The following CDH4 variants were observed in gnomAD, a reference collection of about 807,000 sequenced individuals.
The protein encoded by CDH4 is cadherin-4.
CDH4 carries 33 observed loss-of-function variants against 86.0 expected under a neutral mutation model. That is an observed-to-expected ratio of 0.38 (90% confidence interval 0.29 to 0.51). The LOEUF (loss-of-function observed/expected upper bound fraction) is 0.51, where lower values mean the gene tolerates loss of function less well. CDH4 is among the 20% of genes least tolerant of loss of function. The pLI is 0.86. For missense variants in CDH4, 1,114 were observed against 1,307.4 expected, an observed-to-expected ratio of 0.85 and a Z score of 2.28; for synonymous variants, 555 against 549.4, an observed-to-expected ratio of 1.01 and a Z score of -0.14.
intron 2 of CDH4, among the ~76,000 whole-genome samples, chr20:61,565,229 G>GGTA (rs2086269830): frequency 1.7e-5 from 1 of 58,524 alleles, no homozygotes; most frequent in Non-Finnish European, 3.8e-5. Context: ...GGTAGGTGGT[G>GGTA]GTGGTGGTGG....
intron 2 of CDH4, among the ~76,000 whole-genome samples, chr20:61,330,573 A>G (rs4812306): frequency 0.6 from 90,502 of 152,080 alleles, 26,971 homozygotes; most frequent in Middle Eastern, 0.76. Context: ...CCTTCAAGAA[A>G]AGTATCCGCA....
At chr20:61,402,351 T>C (rs2085054010) in intron 2 of CDH4, among the ~76,000 whole-genome samples, 1 of 151,964 alleles carries the variant, frequency 6.6e-6, no homozygotes, top group South Asian at 2.1e-4. Flanking sequence ...GTTTATGAAA[T>C]ATTGACAAGA....
intron 3 of CDH4, among the ~76,000 whole-genome samples, chr20:61,766,467 C>G (rs1344562445): frequency 6.6e-6 from 1 of 152,140 alleles, no homozygotes; most frequent in Non-Finnish European, 1.5e-5. Context: ...CCAGCTCTGC[C>G]CCTTCTCAGG....
chr20:61,488,324 A>G (rs1279579641), intron 2 of CDH4, among the ~76,000 whole-genome samples: 1 of 152,186 alleles, frequency 6.6e-6, no homozygotes, highest in Non-Finnish European at 1.5e-5. Context: ...AACGGAACAG[A>G]ACCGTTTTTA....
At chr20:61,660,099 G>A (rs1243111249) in intron 2 of CDH4, among the ~76,000 whole-genome samples, 1 of 152,206 alleles carries the variant, frequency 6.6e-6, no homozygotes, top group Non-Finnish European at 1.5e-5. Context: ...CGGAGCTAAG[G>A]ATGGAAACAC....
At chr20:61,794,396 C>G (rs937299764) in intron 4 of CDH4, among the ~76,000 whole-genome samples, 1 of 152,200 alleles carries the variant, frequency 6.6e-6, no homozygotes, top group Non-Finnish European at 1.5e-5. Context: ...GTCGTTCCCC[C>G]ACTTCCGCCA....
intron 2 of CDH4, among the ~76,000 whole-genome samples, chr20:61,566,051 G>A (rs917000538): frequency 6.6e-6 from 1 of 152,228 alleles, no homozygotes; most frequent in Non-Finnish European, 1.5e-5. Flanking sequence ...CAGTGCCACA[G>A]CCGGTGGGTC....
chr20:61,408,901 C>T (rs548948019), intron 2 of CDH4, among the ~76,000 whole-genome samples: 4 of 152,322 alleles, frequency 2.6e-5, no homozygotes, highest in South Asian at 4.1e-4. Context: ...CACGGGGTCA[C>T]GGGCCCACTG....
At chr20:61,884,172 C>T (rs1407318833) in intron 7 of CDH4, among the ~76,000 whole-genome samples, 4 of 152,086 alleles carry the variant, frequency 2.6e-5, no homozygotes, top group Non-Finnish European at 4.4e-5. Context: ...GCTTGTGGGG[C>T]GCAGTGCAGA....
At chr20:61,618,605 A>G (rs2086744775) in intron 2 of CDH4, among the ~76,000 whole-genome samples, 1 of 152,114 alleles carries the variant, frequency 6.6e-6, no homozygotes. Flanking sequence ...CTGGAGGTGC[A>G]TCCAGCACCC....
At chr20:61,793,965 C>A (rs1328991379) in intron 4 of CDH4, among the ~76,000 whole-genome samples, 1 of 138,976 alleles carries the variant, frequency 7.2e-6, no homozygotes. Flanking sequence ...GGTGAAACCT[C>A]GTCTCTACTA....
At chr20:61,840,696 T>C (rs1403615419) in intron 4 of CDH4, among the ~76,000 whole-genome samples, 2 of 152,236 alleles carry the variant, frequency 1.3e-5, no homozygotes, top group African/African-American at 4.8e-5. Context: ...TTCTGCGGTG[T>C]TTGTCTCATT....
intron 7 of CDH4, among the ~76,000 whole-genome samples, chr20:61,891,902 C>A (rs560257642): frequency 6.6e-6 from 1 of 151,270 alleles, no homozygotes; most frequent in South Asian, 2.1e-4. Context: ...TGTGGCCTTG[C>A]TCTCAGGCCT....
At chr20:61,389,365 A>C (rs1462051611) in intron 2 of CDH4, among the ~76,000 whole-genome samples, 1 of 152,184 alleles carries the variant, frequency 6.6e-6, no homozygotes, top group Non-Finnish European at 1.5e-5. Context: ...ACAGCTCCTA[A>C]ACATCTGTTT....
At chr20:61,711,456 C>T (rs994761321) in intron 2 of CDH4, among the ~76,000 whole-genome samples, 1 of 152,226 alleles carries the variant, frequency 6.6e-6, no homozygotes, top group African/African-American at 2.4e-5. Flanking sequence ...AGGGCAGAAT[C>T]CTGCCTTTCC....
At chr20:61,543,611 G>C (rs1191093863) in intron 2 of CDH4, among the ~76,000 whole-genome samples, 1 of 152,222 alleles carries the variant, frequency 6.6e-6, no homozygotes, top group African/African-American at 2.4e-5. Flanking sequence ...CAACAAAGCT[G>C]ATGGCGCCTT....
chr20:61,854,565 C>G (rs574570641), intron 6 of CDH4, among the ~76,000 whole-genome samples: 9 of 144,898 alleles, frequency 6.2e-5, no homozygotes, highest in African/African-American at 2.1e-4. Flanking sequence ...ACCCCCAGGG[C>G]TGCAGTGTGA....
At chr20:61,849,363 T>C (rs1053158416) in intron 5 of CDH4, among the ~76,000 whole-genome samples, 35 of 152,342 alleles carry the variant, frequency 2.3e-4, no homozygotes, top group African/African-American at 8.4e-4. Context: ...GTTAGTTCTC[T>C]GCACTGTGTA....
At chr20:61,671,590 CGGGT>C in intron 2 of CDH4, among the ~76,000 whole-genome samples, 1 of 149,742 alleles carries the variant, frequency 6.7e-6, no homozygotes, top group African/African-American at 2.5e-5. Flanking sequence ...GGATGATGAA[CGGGT>C]GGATGGATGG....
Sources: allele counts gnomAD v4.1 joint callset (sites outside exome capture counted in the v4.1 genomes callset), GRCh38; gene constraint gnomAD v4.1.1; transcripts MANE v1.5; gene names NCBI Gene and HGNC (gene_info 2026-07-23, HGNC 2026-07-21).